The following NELL2 variants were observed in gnomAD, a reference collection of about 807,000 sequenced individuals.
NELL2 encodes the protein protein kinase C-binding protein NELL2.
A neutral mutation model predicts 109.6 loss-of-function variants in NELL2; 41 were observed. The ratio of observed to expected loss-of-function variants is 0.37; its 90% CI spans 0.29 to 0.49. The LOEUF is 0.49. NELL2 is among the 20% of genes least tolerant of loss of function. The pLI is 0.98. For missense variants in NELL2, 900 were observed against 1,008.3 expected (o/e 0.89, Z 1.45); for synonymous variants, 355 against 344.7 (o/e 1.03, Z -0.33).
chr12:44,748,571 C>A (rs551644534), intron 9 of NELL2, among the ~76,000 whole-genome samples: 1 of 152,190 alleles, frequency 6.6e-6, no homozygotes, highest in African/African-American at 2.4e-5. Flanking sequence ...GATCACTATA[C>A]CTATAATGTG....
chr12:44,787,606 G>A (rs1252189990), intron 3 of NELL2, among the ~76,000 whole-genome samples: 1 of 152,146 alleles, frequency 6.6e-6, no homozygotes, highest in East Asian at 1.9e-4. Context: ...CAGAGGGATA[G>A]TCACATATCT....
At chr12:44,687,627 A>G (rs556841440) in intron 12 of NELL2, among the ~76,000 whole-genome samples, 71 of 152,288 alleles carry the variant, frequency 4.7e-4, no homozygotes, top group Non-Finnish European at 7.1e-4. Context: ...GAATGCTAAG[A>G]GTTATGTTTC....
At chr12:44,822,359 T>C (rs1189740423) in intron 2 of NELL2, among the ~76,000 whole-genome samples, 1 of 152,234 alleles carries the variant, frequency 6.6e-6, no homozygotes, top group Non-Finnish European at 1.5e-5. Flanking sequence ...CTTACTTTCA[T>C]TCTAAGTATC....
intron 9 of NELL2, among the ~76,000 whole-genome samples, chr12:44,748,532 A>C (rs56226406): frequency 0.074 from 11,325 of 152,232 alleles, 1,366 homozygotes; most frequent in African/African-American, 0.25. Flanking sequence ...ATGAATCAAA[A>C]CTAAATAAAT....
At chr12:44,744,760 T>C (rs941056488) in intron 9 of NELL2, among the ~76,000 whole-genome samples, 8 of 152,070 alleles carry the variant, frequency 5.3e-5, no homozygotes, top group African/African-American at 1.4e-4. Flanking sequence ...CAGGAAGAAG[T>C]TGAATCTCTG....
chr12:44,902,018 T>A (rs542716947), intron 1 of NELL2, among the ~76,000 whole-genome samples: 3 of 152,102 alleles, frequency 2.0e-5, no homozygotes, highest in Non-Finnish European at 4.4e-5. Flanking sequence ...CTCTCATCAC[T>A]CCTATTCAAC....
At chr12:44,580,818 T>C (rs1186265950) in intron 15 of NELL2, among the ~76,000 whole-genome samples, 2 of 152,172 alleles carry the variant, frequency 1.3e-5, no homozygotes, top group African/African-American at 2.4e-5. Flanking sequence ...GGGTATTTTA[T>C]TATTTGTGAG....
chr12:44,818,023 G>A (rs1008716092), intron 2 of NELL2, among the ~76,000 whole-genome samples: 7 of 152,254 alleles, frequency 4.6e-5, no homozygotes, highest in Middle Eastern at 3.4e-3. Flanking sequence ...TCCTGTTGCC[G>A]AAAAGAAACT....
chr12:44,704,568 A>G (rs2136422714), intron 11 of NELL2, among the ~76,000 whole-genome samples: 1 of 152,352 alleles, frequency 6.6e-6, no homozygotes, highest in African/African-American at 2.4e-5. Flanking sequence ...CCTTGTTCAA[A>G]GATCATCTAA....
At chr12:44,778,453 T>G (rs1299374893) in intron 5 of NELL2, among the ~76,000 whole-genome samples, 2 of 152,200 alleles carry the variant, frequency 1.3e-5, no homozygotes, top group African/African-American at 4.8e-5. Flanking sequence ...GTTTATGCAC[T>G]GTACAACTCT....
intron 3 of NELL2, among the ~76,000 whole-genome samples, chr12:44,804,470 C>T (rs1018935961): frequency 6.6e-6 from 1 of 151,736 alleles, no homozygotes; most frequent in Admixed American, 6.6e-5. Flanking sequence ...AATTAAGACA[C>T]CAAAACAAGA....
At chr12:44,906,239 C>T (rs1322427665) in intron 1 of NELL2, among the ~76,000 whole-genome samples, 1 of 151,906 alleles carries the variant, frequency 6.6e-6, no homozygotes, top group Non-Finnish European at 1.5e-5. Flanking sequence ...AGCAGTATGC[C>T]TGGAGAAGCA....
chr12:44,536,851 T>A (rs770089938), intron 15 of NELL2, among the ~76,000 whole-genome samples: 1 of 151,864 alleles, frequency 6.6e-6, no homozygotes, highest in Non-Finnish European at 1.5e-5. Flanking sequence ...TGTTTAGCCA[T>A]CCAACAACAG....
intron 12 of NELL2, among the ~76,000 whole-genome samples, chr12:44,667,580 T>C (rs1464109532): frequency 6.6e-6 from 1 of 152,134 alleles, no homozygotes; most frequent in African/African-American, 2.4e-5. Context: ...CACCACTAAG[T>C]AGGGTGAGGA....
chr12:44,916,066 T>C (rs189406828), upstream of NELL2, among the ~76,000 whole-genome samples: 4 of 152,320 alleles, frequency 2.6e-5, no homozygotes, highest in African/African-American at 9.6e-5. Flanking sequence ...AAAATCTGCA[T>C]TATATATTTC....
chr12:44,888,972 A>T (rs1945505156), intron 1 of NELL2, among the ~76,000 whole-genome samples: 1 of 152,056 alleles, frequency 6.6e-6, no homozygotes, highest in Non-Finnish European at 1.5e-5. Context: ...TTCCTAAGCC[A>T]GACACAAATT....
intron 12 of NELL2, among the ~76,000 whole-genome samples, chr12:44,681,819 G>T (rs1948519765): frequency 6.6e-6 from 1 of 151,876 alleles, no homozygotes; most frequent in African/African-American, 2.4e-5. Flanking sequence ...GTCTATCATT[G>T]TTGGACATTT....
chr12:44,716,538 C>T (rs1450540), intron 9 of NELL2, among the ~76,000 whole-genome samples: 108,458 of 151,958 alleles, frequency 0.71, 38,948 homozygotes, highest in Non-Finnish European at 0.74. Context: ...GCAAAATTTA[C>T]CTCTCTGACA....
At chr12:44,720,604 G>A (rs1305660182) in intron 9 of NELL2, among the ~76,000 whole-genome samples, 3 of 152,102 alleles carry the variant, frequency 2.0e-5, no homozygotes, top group East Asian at 1.9e-4. Flanking sequence ...AAGTCTGCTC[G>A]GACAATGTAA....
Sources: gnomAD v4.1 joint callset for allele counts (sites outside exome capture counted in the v4.1 genomes callset) on GRCh38, gnomAD v4.1.1 for gene constraint, MANE v1.5 for transcripts, NCBI Gene and HGNC (gene_info 2026-07-23, HGNC 2026-07-21) for gene names.